Variants in DYRK1A observed in about 807,000 individuals in gnomAD.
DYRK1A encodes dual specificity tyrosine phosphorylation regulated kinase 1A.
A neutral mutation model predicts 79.7 loss-of-function variants in DYRK1A; 9 were observed. That is an observed-to-expected ratio of 0.11 (90% CI 0.07 to 0.20). DYRK1A has a LOEUF of 0.20. DYRK1A is among the 10% of genes least tolerant of loss of function. The pLI is 1.00. For synonymous variants in DYRK1A, 349 were observed against 329.7 expected (o/e 1.06, Z -0.63); for missense variants, 622 against 956.0 (o/e 0.65, Z 4.61).
chr21:37,395,889 TC>T (rs2049952044), intron 1 of DYRK1A, among the ~76,000 whole-genome samples: 1 of 152,230 alleles, frequency 6.6e-6, no homozygotes, highest in Non-Finnish European at 1.5e-5. Flanking sequence ...AAACCTTTTG[TC>T]TTCATAATGG....
chr21:37,456,662 G>GGC (rs1174857412), intron 2 of DYRK1A, among the ~76,000 whole-genome samples: 1 of 152,122 alleles, frequency 6.6e-6, no homozygotes, highest in Non-Finnish European at 1.5e-5. Flanking sequence ...CTATCTTGGA[G>GGC]GCATGGTTCA....
Position 37,521,590 on chromosome 21 carries a change from G to A in DYRK1A, c.*9059G>A, listed in dbSNP as rs1331780994. The A allele has an allele frequency of 1.3e-5, 2 of 152,236 alleles. No individual in the cohort carries two copies. Among genetic ancestry groups the A allele is most frequent in the South Asian group, 2.1e-4 (1 of 4,828 alleles). 9.4% of individuals were successfully genotyped at this position (152,236 alleles called of 1,614,324 possible). A position where few individuals can be genotyped will look rare whatever the true frequency, so the allele number is the denominator to read the frequency against. On this transcript the variant is annotated 3_prime_UTR_variant, in exon 12 of 12. Transcript: ENST00000647188. ...AAGTAAGCCCAGTGTTTTTAAAAGA[G>A]TGTGAACAGAGACCTTATTCTAATC...
At chr21:37,447,281 G>C (rs2051304249) in intron 2 of DYRK1A, among the ~76,000 whole-genome samples, 1 of 152,176 alleles carries the variant, frequency 6.6e-6, no homozygotes, top group South Asian at 2.1e-4. Flanking sequence ...TGGGGGGAAA[G>C]TGACAATGAC....
chr21:37,490,717 A>G (rs1202679679), intron 7 of DYRK1A, among the ~76,000 whole-genome samples: 1 of 151,818 alleles, frequency 6.6e-6, no homozygotes, highest in Admixed American at 6.6e-5. Context: ...CCTTGTGTTG[A>G]TATCTATTTT....
At chr21:37,451,358 A>ATCCCTCCATCCCTCCC (rs2051441383) in intron 2 of DYRK1A, among the ~76,000 whole-genome samples, 1 of 96,384 alleles carries the variant, frequency 1.0e-5, no homozygotes, top group Non-Finnish European at 2.3e-5. Context: ...CCGTCCCTCC[A>ATCCCTCCATCCCTCCC]TCCCTCCCTC....
At chr21:37,435,645 T>C (rs1382315241) in intron 2 of DYRK1A, among the ~76,000 whole-genome samples, 1 of 152,242 alleles carries the variant, frequency 6.6e-6, no homozygotes, top group Non-Finnish European at 1.5e-5. Context: ...TTCCTAAAAC[T>C]GTGAAACTGA....
At position 37,516,749 on chromosome 21, in the gene DYRK1A, C is replaced by T. The variant is rs1442077478; in HGVS notation, c.*4218C>T. The T allele has an allele frequency of 6.6e-6, 1 of 152,116 alleles. No individual in the cohort carries two copies. Among genetic ancestry groups the T allele is most frequent in the African/African-American group, 2.4e-5 (1 of 41,418 alleles). The allele number at this position is 152,116 out of a possible 1,614,324, so 9.4% of individuals were successfully genotyped here. A position where few individuals can be genotyped will look rare whatever the true frequency, so the allele number is the denominator to read the frequency against. The stretch of plus-strand genomic sequence containing the variant: ...CAAGGTCCCAGATTTTGGCTGCTCT[C>T]AGTGGGTGTTCTTGCATCAGAACTT... On this transcript the variant is annotated 3_prime_UTR_variant, in exon 12 of 12. Coordinates refer to ENST00000647188, the MANE Select transcript of DYRK1A (RefSeq NM_001347721.2).
chr21:37,368,668 G>C (rs950326223), intron 1 of DYRK1A, among the ~76,000 whole-genome samples: 1 of 152,168 alleles, frequency 6.6e-6, no homozygotes, highest in Non-Finnish European at 1.5e-5. Flanking sequence ...GGTAGGAACT[G>C]TTCCCATTTT....
intron 2 of DYRK1A, among the ~76,000 whole-genome samples, chr21:37,434,138 G>A (rs1415867492): frequency 1.3e-5 from 2 of 152,254 alleles, no homozygotes; most frequent in South Asian, 4.1e-4. Context: ...TAGTGTTAGG[G>A]ATAGGACCAG....
At chr21:37,369,333 T>C (rs764723912) in intron 1 of DYRK1A, among the ~76,000 whole-genome samples, 1 of 152,220 alleles carries the variant, frequency 6.6e-6, no homozygotes, top group Non-Finnish European at 1.5e-5. Flanking sequence ...AGACCAGAAC[T>C]AAAGTTTCAT....
intron 9 of DYRK1A, among the ~76,000 whole-genome samples, chr21:37,497,933 TATGAAATA>T (rs879669473): frequency 8.5e-5 from 13 of 152,284 alleles, no homozygotes; most frequent in Non-Finnish European, 1.8e-4. Flanking sequence ...TTTTTAAAAA[TATGAAATA>T]ATTATTTTGC....
intron 2 of DYRK1A, among the ~76,000 whole-genome samples, chr21:37,445,485 G>T (rs751837070): frequency 1.8e-4 from 27 of 152,310 alleles, no homozygotes; most frequent in Non-Finnish European, 2.4e-4. Context: ...TGTGGAGCTC[G>T]TTTTGTAATG....
chr21:37,366,442 C>A (rs2049306033), upstream of DYRK1A, among the ~76,000 whole-genome samples: 1 of 147,298 alleles, frequency 6.8e-6, no homozygotes, highest in African/African-American at 2.5e-5. Context: ...AGGCGGCGGG[C>A]GATCGCGCAC....
At position 37,366,973 on chromosome 21, in the gene DYRK1A, G is replaced by C. The variant is rs971629670; in HGVS notation, c.-732G>C. The C allele has an allele frequency of 1.9e-5, 3 of 159,818 alleles. No individual in the cohort carries two copies. The highest frequency in any genetic ancestry group is 2.4e-5 in the African/African-American group (1 of 41,482). The allele number at this position is 159,818 out of a possible 1,614,324, so 9.9% of individuals were successfully genotyped here. A position where few individuals can be genotyped will look rare whatever the true frequency, so the allele number is the denominator to read the frequency against. On this transcript the variant is annotated 5_prime_UTR_variant, in exon 1 of 12. Coordinates refer to ENST00000647188, the MANE Select transcript of DYRK1A (RefSeq NM_001347721.2). ...GCCTCAGAGAGCGGACACCCCGAGC[G>C]GGGGGTGCGGGCGCCGCCGCCGCCG...
chr21:37,448,890 G>A (rs1396900342), intron 2 of DYRK1A, among the ~76,000 whole-genome samples: 1 of 152,070 alleles, frequency 6.6e-6, no homozygotes, highest in Admixed American at 6.5e-5. Flanking sequence ...TGGAGATGAG[G>A]TTTCGCTATG....
At chr21:37,495,047 AT>A (rs1416336927) in intron 8 of DYRK1A, among the ~76,000 whole-genome samples, 1 of 151,294 alleles carries the variant, frequency 6.6e-6, no homozygotes, top group African/African-American at 2.4e-5. Flanking sequence ...TTTGTTTATT[AT>A]TTTCTACCAC....
intron 1 of DYRK1A, among the ~76,000 whole-genome samples, chr21:37,407,277 C>T (rs1170972211): frequency 6.6e-6 from 1 of 152,078 alleles, no homozygotes; most frequent in Non-Finnish European, 1.5e-5. Context: ...TAATTTTATA[C>T]AATATTTTCA....
chr21:37,411,833 G>GT (rs1395609655), intron 1 of DYRK1A, among the ~76,000 whole-genome samples: 29 of 152,204 alleles, frequency 1.9e-4, no homozygotes, highest in Middle Eastern at 6.8e-3. Flanking sequence ...TAATCCACCA[G>GT]TTTTTTTCCT....
chr21:37,411,760 A>C (rs980239716), intron 1 of DYRK1A, among the ~76,000 whole-genome samples: 2 of 152,230 alleles, frequency 1.3e-5, no homozygotes, highest in Non-Finnish European at 2.9e-5. Context: ...GAGAATACAG[A>C]TAAGAATGAC....
Sources: gnomAD v4.1 joint callset for allele counts (sites outside exome capture counted in the v4.1 genomes callset) on GRCh38, gnomAD v4.1.1 for gene constraint, MANE v1.5 for transcripts, NCBI Gene and HGNC (gene_info 2026-07-23, HGNC 2026-07-21) for gene names.